PLEKHA1: variants seen among roughly 807,000 people sequenced by gnomAD.
PLEKHA1 encodes pleckstrin homology domain-containing family A member 1.
A neutral mutation model predicts 52.0 loss-of-function variants in PLEKHA1; 34 were observed. The observed-to-expected ratio is 0.65, with a 90% CI of 0.50 to 0.87. PLEKHA1 has a LOEUF of 0.87. Ranked by LOEUF, PLEKHA1 falls within the 40% of genes least tolerant of loss-of-function variation. The pLI is 0.00. For synonymous variants in PLEKHA1, 163 were observed against 170.7 expected (o/e 0.95, Z 0.35); for missense variants, 497 against 504.2 (o/e 0.99, Z 0.14).
the PLEKHA1 span, chr10:122,440,084 T>C: frequency 6.6e-6 from 1 of 152,244 alleles, no homozygotes; most frequent in Admixed American, 6.5e-5. Flanking sequence ...CAAGTTGTGC[T>C]ATCTTCTGAT....
chr10:122,393,225 C>T lies in PLEKHA1; in HGVS notation c.25C>T (p.Arg9Cys), dbSNP rs2096799953. 7.4e-6 allele frequency: 12 copies of T among 1,611,214 alleles called. No individual in the cohort carries two copies. The highest frequency in any genetic ancestry group is 9.3e-6 in the Non-Finnish European group (11 of 1,178,806). MPYVDRQN[R>C]ICGFLDIEEN... Reference sequence around the variant, plus strand: ...AATGCCTTATGTGGATCGTCAGAATCGCATTTGTGGTTTTCTAGACATTGA... The same window carrying T: ...AATGCCTTATGTGGATCGTCAGAATTGCATTTGTGGTTTTCTAGACATTGA... Residue 9 changes from arginine (R) to cysteine (C), a missense_variant, in exon 2 of 12, where the codon CGC (arginine) becomes TGC (cysteine). Physicochemically the swap from Arg to Cys is radical, Grantham distance 180. Coordinates refer to ENST00000368990, the MANE Select transcript of PLEKHA1 (RefSeq NM_001001974.4). The surrounding 1 kb of genome is among the most constrained non-coding windows in gnomAD (Gnocchi z 4.5).
chr10:122,385,318 T>A (rs951711521), intron 1 of PLEKHA1, among the ~76,000 whole-genome samples: 6 of 141,852 alleles, frequency 4.2e-5, no homozygotes, highest in Non-Finnish European at 6.1e-5. Context: ...TGGCTTTTTT[T>A]TTTTTTTTTT....
chr10:122,382,343 T>G (rs1489435603), intron 1 of PLEKHA1, among the ~76,000 whole-genome samples: 1 of 152,230 alleles, frequency 6.6e-6, no homozygotes, highest in African/African-American at 2.4e-5. Context: ...TTGCCCATTC[T>G]GCATATTTCA....
intron 1 of PLEKHA1, among the ~76,000 whole-genome samples, chr10:122,379,717 C>T (rs1343647562): frequency 6.6e-6 from 1 of 152,190 alleles, no homozygotes; most frequent in Non-Finnish European, 1.5e-5. Flanking sequence ...ATATCCTCAG[C>T]TTTGTGTTTG....
At chr10:122,379,274 A>G (rs1311571238) in intron 1 of PLEKHA1, among the ~76,000 whole-genome samples, 1 of 152,208 alleles carries the variant, frequency 6.6e-6, no homozygotes, top group South Asian at 2.1e-4. Flanking sequence ...TGGCAAAACA[A>G]CTTCAATCCA....
At chr10:122,405,629 T>TA (rs1202237223) in intron 4 of PLEKHA1, among the ~76,000 whole-genome samples, 1 of 151,274 alleles carries the variant, frequency 6.6e-6, no homozygotes, top group Non-Finnish European at 1.5e-5. Flanking sequence ...GGGAATTGGT[T>TA]ACCCAAATAT....
intron 1 of PLEKHA1, among the ~76,000 whole-genome samples, chr10:122,380,748 C>T (rs7476760): frequency 6.6e-6 from 1 of 152,110 alleles, no homozygotes. Flanking sequence ...ATGCCTGGAT[C>T]CCATCCCAGA....
At chr10:122,401,919 A>T (rs1389741924) in intron 4 of PLEKHA1, among the ~76,000 whole-genome samples, 1 of 152,218 alleles carries the variant, frequency 6.6e-6, no homozygotes, top group South Asian at 2.1e-4. Context: ...TAGCATCTTG[A>T]TATGAGCAAG....
At chr10:122,422,889 C>T (rs1458978495) in intron 8 of PLEKHA1, 1 of 152,082 alleles carries the variant, frequency 6.6e-6, no homozygotes, top group Non-Finnish European at 1.5e-5. Context: ...TACAACTTAA[C>T]CTTCAAGCAT....
Position 122,397,338 on chromosome 10 carries a change from G to A in PLEKHA1, c.142-580G>A, listed in dbSNP as rs577633621. ...ATGCAAACCACATCTGAAACTTACG[G>A]GAAGAATGAAAATACTGTGTGTGAA... On this transcript the variant is annotated intron_variant, in intron 2 of 11. Transcript: ENST00000368990. 3.9e-5 allele frequency among the ~76,000 whole-genome samples: 6 copies of A among 152,072 alleles called. No individual in the cohort carries two copies. In the South Asian group the frequency reaches 8.3e-4, roughly 21 times the overall value.
At chr10:122,384,219 C>T (rs11200598) in intron 1 of PLEKHA1, among the ~76,000 whole-genome samples, 147,209 of 152,246 alleles carry the variant, frequency 0.97, 71,285 homozygotes, top group Middle Eastern at 1. Context: ...TCTTTAAATG[C>T]TAGGGAGATT....
intron 1 of PLEKHA1, among the ~76,000 whole-genome samples, chr10:122,376,189 T>C (rs1487914617): frequency 6.6e-6 from 1 of 152,180 alleles, no homozygotes; most frequent in East Asian, 1.9e-4. Context: ...ATAATAAGAT[T>C]TATTCTGATC....
chr10:122,435,128 G>A (rs1221445661), downstream of PLEKHA1: 3 of 152,144 alleles, frequency 2.0e-5, no homozygotes, highest in Non-Finnish European at 4.4e-5. Flanking sequence ...AGTGGTGCTT[G>A]TACCTTTATC....
At chr10:122,404,237 AT>A (rs758248366) in intron 4 of PLEKHA1, among the ~76,000 whole-genome samples, 10 of 150,592 alleles carry the variant, frequency 6.6e-5, no homozygotes, top group Middle Eastern at 3.4e-3. Flanking sequence ...TTCCAGACTG[AT>A]TTTTTTTTTC....
intron 9 of PLEKHA1, among the ~76,000 whole-genome samples, 182 bp downstream of exon 9, chr10:122,424,445 T>C (rs2097309094): frequency 6.6e-6 from 1 of 152,208 alleles, no homozygotes; most frequent in Non-Finnish European, 1.5e-5. Flanking sequence ...ACTACTTTGT[T>C]CATTTGAAAA....
At chr10:122,379,296 G>GT (rs2096582305) in intron 1 of PLEKHA1, among the ~76,000 whole-genome samples, 1 of 152,188 alleles carries the variant, frequency 6.6e-6, no homozygotes, top group Admixed American at 6.5e-5. Flanking sequence ...GTACGCTGTG[G>GT]TTTCTATTCA....
At chr10:122,385,311 CTTTTTTTTTTTT>C (rs1196217497) in intron 1 of PLEKHA1, among the ~76,000 whole-genome samples, 3 of 96,476 alleles carry the variant, frequency 3.1e-5, no homozygotes, top group Admixed American at 1.2e-4. Flanking sequence ...TTGTGTCTGG[CTTTTTTTTTTTT>C]TTTTTTTTTT....
chr10:122,379,675 G>T (rs892699146), intron 1 of PLEKHA1, among the ~76,000 whole-genome samples: 1 of 152,198 alleles, frequency 6.6e-6, no homozygotes, highest in South Asian at 2.1e-4. Context: ...AGCCATGCCT[G>T]ACTCTACAGA....
downstream of PLEKHA1, chr10:122,436,292 CATATT>C (rs1440669178): frequency 1.3e-5 from 2 of 152,174 alleles, no homozygotes; most frequent in Non-Finnish European, 2.9e-5. Context: ...TTTCAAATGA[CATATT>C]ATTTATACAT....
Sources: allele counts gnomAD v4.1 joint callset (sites outside exome capture counted in the v4.1 genomes callset), GRCh38; gene constraint gnomAD v4.1.1; non-coding constraint Gnocchi (gnomAD v3.1); transcripts MANE v1.5; gene names NCBI Gene and HGNC (gene_info 2026-07-23, HGNC 2026-07-21).